Variants in ZNF608 observed in about 807,000 individuals in gnomAD.
ZNF608 encodes the protein zinc finger protein 608.
In ZNF608, 12 loss-of-function variants were observed where a neutral mutation model predicts 109.0. That is an observed-to-expected ratio of 0.11 (90% CI 0.07 to 0.18). The LOEUF (loss-of-function observed/expected upper bound fraction) is 0.18. ZNF608 is among the 10% of genes least tolerant of loss of function. ZNF608 has a pLI of 1.00. For missense variants in ZNF608, 1,707 were observed against 1,879.3 expected, an observed-to-expected ratio of 0.91 and a Z score of 1.70; for synonymous variants, 732 against 717.4, an observed-to-expected ratio of 1.02 and a Z score of -0.33.
intron 3 of ZNF608, among the ~76,000 whole-genome samples, chr5:124,684,192 G>T (rs531745601): frequency 6.6e-6 from 1 of 152,220 alleles, no homozygotes; most frequent in Admixed American, 6.5e-5. Context: ...AGTCTGAAAC[G>T]ATGCTGGCAT....
chr5:124,726,810 A>C (rs1313690725), intron 2 of ZNF608, among the ~76,000 whole-genome samples: 1 of 152,220 alleles, frequency 6.6e-6, no homozygotes, highest in Non-Finnish European at 1.5e-5. Flanking sequence ...TCCAATCTGG[A>C]CATGGGCTGT....
At chr5:124,643,037 G>C (rs749888250) in intron 7 of ZNF608, among the ~76,000 whole-genome samples, 25 of 152,030 alleles carry the variant, frequency 1.6e-4, no homozygotes, top group Non-Finnish European at 3.1e-4. Flanking sequence ...ATCTGAACTT[G>C]CATGTAAAAT....
intron 3 of ZNF608, among the ~76,000 whole-genome samples, chr5:124,668,060 A>C (rs1751552955): frequency 6.6e-6 from 1 of 151,656 alleles, no homozygotes; most frequent in Admixed American, 6.6e-5. Flanking sequence ...ACCAACAAAC[A>C]AGCAACAAAG....
At position 124,726,107 on chromosome 5, in the gene ZNF608, A is replaced by G. The variant is rs10478641; in HGVS notation, c.906+17977T>C. On this transcript the variant is annotated intron_variant, in intron 2 of 9. Transcript: ENST00000513986. The stretch of plus-strand genomic sequence containing the variant: ...TCTCATTTTAACCTGACTTCTTGGC[A>G]GCAATTGACACAGCTGATCACACCT... Among the ~76,000 whole-genome samples the G allele has an allele frequency of 3.6e-3, 550 of 152,344 alleles. 5 individuals carry two copies. The highest frequency in any genetic ancestry group is 0.012 in the African/African-American group (506 of 41,592).
At chr5:124,706,840 T>C (rs531019643) in intron 2 of ZNF608, among the ~76,000 whole-genome samples, 1 of 152,310 alleles carries the variant, frequency 6.6e-6, no homozygotes, top group South Asian at 2.1e-4. Flanking sequence ...TATTTTTGCA[T>C]GATTATTCCC....
At position 124,717,458 on chromosome 5, in the gene ZNF608, G is replaced by A. The variant is rs534763205; in HGVS notation, c.907-16189C>T. Among the ~76,000 whole-genome samples, 5 of 152,246 alleles carry A rather than the reference G, an allele frequency of 3.3e-5. No homozygotes were observed. The South Asian group carries it at 6.2e-4, about 19-fold the overall frequency. Reference sequence around the variant, plus strand: ...TGCACTCCAGCCTGGGCGACAGAGCGAGACTCCACCTTAAATAAATAAATA... The same window carrying A: ...TGCACTCCAGCCTGGGCGACAGAGCAAGACTCCACCTTAAATAAATAAATA... On this transcript the variant is annotated intron_variant, in intron 2 of 9. Coordinates refer to ENST00000513986, the MANE Select transcript of ZNF608 (RefSeq NM_020747.3).
At chr5:124,679,099 A>G (rs1205301237) in intron 3 of ZNF608, among the ~76,000 whole-genome samples, 1 of 152,208 alleles carries the variant, frequency 6.6e-6, no homozygotes, top group African/African-American at 2.4e-5. Context: ...ATCTGAAAGG[A>G]GGCTTCTTTT....
chr5:124,714,920 T>G (rs1176961502), intron 2 of ZNF608, among the ~76,000 whole-genome samples: 1 of 152,192 alleles, frequency 6.6e-6, no homozygotes, highest in African/African-American at 2.4e-5. Flanking sequence ...ACCAACTACA[T>G]AGTAAGATTT....
At chr5:124,652,233 A>T (rs567310349) in intron 3 of ZNF608, among the ~76,000 whole-genome samples, 1 of 152,314 alleles carries the variant, frequency 6.6e-6, no homozygotes, top group Admixed American at 6.5e-5. Context: ...TGGAAGCCAC[A>T]CAAGCAGACC....
chr5:124,688,515 A>G (rs529655077), intron 3 of ZNF608, among the ~76,000 whole-genome samples: 1 of 152,322 alleles, frequency 6.6e-6, no homozygotes, highest in South Asian at 2.1e-4. Context: ...TGAGATGGGC[A>G]GTCTCATCCA....
intron 2 of ZNF608, among the ~76,000 whole-genome samples, chr5:124,733,067 T>C (rs746750112): frequency 6.6e-6 from 1 of 151,862 alleles, no homozygotes; most frequent in Non-Finnish European, 1.5e-5. Flanking sequence ...CTGAGCATGA[T>C]CACAAAACAT....
chr5:124,680,349 CA>C (rs71679269), intron 3 of ZNF608, among the ~76,000 whole-genome samples: 14,676 of 135,880 alleles, frequency 0.11, 1,200 homozygotes, highest in African/African-American at 0.25. Flanking sequence ...ATTATGGCCA[CA>C]AAAAAAAAAA....
Position 124,649,091 on chromosome 5 carries a change from G to A in ZNF608, c.1293C>T (p.Gly431=), listed in dbSNP as rs763858416. The part of the protein sequence containing the change: ...SPTSDLEMRG[G]RGRGKRARSA... Reference sequence around the variant, plus strand: ...ACCTCGCTCTCTTCCCTCTGCCCCGGCCCCCTCTCATCTCCAGGTCACTTG... The same window carrying A: ...ACCTCGCTCTCTTCCCTCTGCCCCGACCCCCTCTCATCTCCAGGTCACTTG... Residue 431 remains glycine, a synonymous_variant, in exon 5 of 10, where the codon GGC becomes GGT. Coordinates refer to ENST00000513986, the MANE Select transcript of ZNF608 (RefSeq NM_020747.3). 6.3e-7 allele frequency: 1 copy of A among 1,591,138 alleles called. No individual in the cohort carries two copies. The highest frequency in any genetic ancestry group is 8.5e-7 in the Non-Finnish European group (1 of 1,172,506).
chr5:124,700,494 C>T (rs778728460), intron 3 of ZNF608, among the ~76,000 whole-genome samples: 1 of 152,190 alleles, frequency 6.6e-6, no homozygotes, highest in Non-Finnish European at 1.5e-5. Flanking sequence ...GAGAAGTGAC[C>T]GGCTTACTAG....
At chr5:124,651,184 AATT>A (rs982772458) in intron 3 of ZNF608, among the ~76,000 whole-genome samples, 1 of 152,220 alleles carries the variant, frequency 6.6e-6, no homozygotes, top group African/African-American at 2.4e-5. Flanking sequence ...TCCCTCAGGA[AATT>A]TTTTTAAAAC....
intron 3 of ZNF608, among the ~76,000 whole-genome samples, chr5:124,679,093 G>GA (rs1752083055): frequency 6.6e-6 from 1 of 152,200 alleles, no homozygotes; most frequent in African/African-American, 2.4e-5. Context: ...CTGGCCATCT[G>GA]AAAGGAGGCT....
At chr5:124,690,360 T>C (rs951413124) in intron 3 of ZNF608, among the ~76,000 whole-genome samples, 13 of 152,170 alleles carry the variant, frequency 8.5e-5, no homozygotes, top group Admixed American at 2.0e-4. Flanking sequence ...CAAACCCTAA[T>C]ATAAACTAGG....
At chr5:124,683,190 C>T (rs531501091) in intron 3 of ZNF608, among the ~76,000 whole-genome samples, 7 of 152,316 alleles carry the variant, frequency 4.6e-5, no homozygotes, top group Admixed American at 3.9e-4. Flanking sequence ...GCTCCTTCAT[C>T]TCCACTGGAT....
In ZNF608 at chr5:124,744,570, T is replaced by G. The variant is rs549488137; in HGVS notation, c.420A>C (p.Gln140His). 5 of 1,614,236 alleles carry G rather than the reference T, an allele frequency of 3.1e-6. No individual in the cohort carries two copies. The South Asian group carries it at 5.5e-5, about 18-fold the overall frequency. The part of the protein sequence containing the change: ...ISSTGKRQEV[Q>H]GRPGEATGMN... ...TGCCAGTTGCCTCTCCAGGGCGCCC[T>G]TGGACTTCCTGCCTCTTGCCAGTGC... Residue 140 changes from glutamine (Q) to histidine (H), a missense_variant, in exon 2 of 10, where the codon CAA (glutamine) becomes CAC (histidine). By Grantham distance (24) the Gln-to-His change is conservative. This residue lies in a region of ZNF608 where 407 missense variants were observed against 398.7 expected (regional missense o/e 1.02). Transcript: ENST00000513986. The surrounding 1 kb of genome is among the most constrained non-coding windows in gnomAD (Gnocchi z 4.5).
Sources: gnomAD v4.1 joint callset for allele counts (sites outside exome capture counted in the v4.1 genomes callset) on GRCh38, gnomAD v4.1.1 for gene constraint, gnomAD v4.1.1 regional missense constraint, Gnocchi (gnomAD v3.1) non-coding constraint, MANE v1.5 for transcripts, NCBI Gene and HGNC (gene_info 2026-07-23, HGNC 2026-07-21) for gene names.